LAMP3: variants seen among roughly 807,000 people sequenced by gnomAD.
The protein encoded by LAMP3 is lysosome-associated membrane glycoprotein 3.
A neutral mutation model predicts 34.8 loss-of-function variants in LAMP3; 26 were observed. That is an observed-to-expected ratio of 0.75 (90% CI 0.55 to 1.04). The LOEUF (loss-of-function observed/expected upper bound fraction) is 1.04. Among genes scored for constraint, LAMP3 ranks in the 50% least tolerant of loss-of-function variants. The pLI is 0.00. For missense variants in LAMP3, 495 were observed against 524.0 expected, an observed-to-expected ratio of 0.94 and a Z score of 0.54; for synonymous variants, 180 against 201.9, an observed-to-expected ratio of 0.89 and a Z score of 0.92.
At chr3:183,153,268 A>G (rs1311745252) in intron 2 of LAMP3, among the ~76,000 whole-genome samples, 2 of 152,064 alleles carry the variant, frequency 1.3e-5, no homozygotes, top group Non-Finnish European at 2.9e-5. Context: ...TTTCTTGTTC[A>G]TGTGGATTTC....
chr3:183,134,289 T>C (rs537250586), intron 5 of LAMP3, among the ~76,000 whole-genome samples: 1 of 148,210 alleles, frequency 6.7e-6, no homozygotes, highest in East Asian at 2.0e-4. Flanking sequence ...GTCTGTTGTT[T>C]GGAAAACTAT....
chr3:183,152,271 C>G, intron 3 of LAMP3, 104 bp downstream of exon 3: 2 of 1,260,042 alleles, frequency 1.6e-6, no homozygotes, highest in Non-Finnish European at 2.2e-6. Flanking sequence ...TTCTTATCAG[C>G]AAAGATCTCA....
chr3:183,136,028 T>C, intron 4 of LAMP3, 141 bp from the exon 5 acceptor site: 1 of 694,022 alleles, frequency 1.4e-6, no homozygotes, highest in Non-Finnish European at 2.5e-6. Flanking sequence ...CTTCTCCCCA[T>C]GAAAAAACAC....
Position 183,154,297 on chromosome 3 carries a change from T to A in LAMP3, c.144A>T (p.Ile48=), listed in dbSNP as rs753949194. 3 of 1,614,076 alleles carry A rather than the reference T, an allele frequency of 1.9e-6. No individual in the cohort carries two copies. In the East Asian group the frequency reaches 6.7e-5, roughly 36 times the overall value. The change falls in exon 2 of 6, where the codon ATA becomes ATT. Residue 48 remains isoleucine, a synonymous_variant. Coordinates refer to ENST00000265598, the MANE Select transcript of LAMP3 (RefSeq NM_014398.4). ...TAGCTGGTTGCTGGACAGGTTTTTT[T>A]ATGTCCTGTACTGTTGCTGCTGCAG... The part of the protein sequence containing the change: ...QPTAAATVQD[I]KKPVQQPAKQ...
chr3:183,152,255 C>T, intron 3 of LAMP3, 120 bp downstream of exon 3: 1 of 1,113,284 alleles, frequency 9.0e-7, no homozygotes, highest in Non-Finnish European at 1.3e-6. Context: ...ATCCCCAAAC[C>T]CCTCATTCTT....
At chr3:183,140,636 T>A in intron 3 of LAMP3, 41 bp from the exon 4 acceptor site, 1 of 1,241,586 alleles carries the variant, frequency 8.1e-7, no homozygotes, top group Non-Finnish European at 1.2e-6. Context: ...TTATCTCTAC[T>A]CATATGTTTA....
At chr3:183,147,136 G>A (rs867179961) in intron 3 of LAMP3, among the ~76,000 whole-genome samples, 25 of 151,912 alleles carry the variant, frequency 1.6e-4, no homozygotes, top group African/African-American at 5.3e-4. Context: ...CCAGCTACTC[G>A]GGGGACTGAG....
At chr3:183,131,847 A>G (rs572816124) in intron 5 of LAMP3, 1 of 811,224 alleles carries the variant, frequency 1.2e-6, no homozygotes, top group East Asian at 1.3e-4. Context: ...CATCAATGTA[A>G]TAGGAAACCA....
At position 183,155,034 on chromosome 3, in the gene LAMP3, C is replaced by T. The variant is rs143989560; in HGVS notation, c.50-643G>A. On this transcript the variant is annotated intron_variant, in intron 1 of 5. Transcript: ENST00000265598. ...GGTTCAAGCGATTCTCCAGCCTCAG[C>T]CTCGTGAGTAGCTGGGATTAAAGGC... Among the ~76,000 whole-genome samples the T allele has an allele frequency of 5.6e-3, 849 of 152,306 alleles. 11 individuals are homozygous for T. The highest frequency in any genetic ancestry group is 0.019 in the African/African-American group (807 of 41,560).
At chr3:183,124,601 G>A (rs750710400) in intron 5 of LAMP3, among the ~76,000 whole-genome samples, 2 of 152,208 alleles carry the variant, frequency 1.3e-5, no homozygotes, top group Non-Finnish European at 2.9e-5. Flanking sequence ...GGGAGGCCGA[G>A]GCGGGCGGAT....
At chr3:183,151,647 C>T (rs1401608006) in intron 3 of LAMP3, among the ~76,000 whole-genome samples, 10 of 151,970 alleles carry the variant, frequency 6.6e-5, no homozygotes, top group Non-Finnish European at 5.9e-5. Context: ...AGGCTGGTCT[C>T]GAACTCCTGA....
chr3:183,132,995 C>T (rs567562906), intron 5 of LAMP3: 86 of 951,966 alleles, frequency 9.0e-5, no homozygotes, highest in Admixed American at 1.8e-4. Context: ...TACAGACTGG[C>T]CACAAATGCT....
At chr3:183,153,051 T>C (rs1720699660) in intron 2 of LAMP3, among the ~76,000 whole-genome samples, 2 of 151,772 alleles carry the variant, frequency 1.3e-5, no homozygotes, top group Admixed American at 1.3e-4. Flanking sequence ...GGCAGGTGCC[T>C]GTAATCCCAG....
chr3:183,143,335 ACTCCTGACCT>A (rs1720344224), intron 3 of LAMP3, among the ~76,000 whole-genome samples: 1 of 151,912 alleles, frequency 6.6e-6, no homozygotes, highest in Non-Finnish European at 1.5e-5. Context: ...CTAGTCTTGA[ACTCCTGACCT>A]CAAGAGATCT....
intron 1 of LAMP3, among the ~76,000 whole-genome samples, chr3:183,159,748 A>G (rs914853167): frequency 1.3e-5 from 2 of 152,236 alleles, no homozygotes; most frequent in African/African-American, 4.8e-5. Flanking sequence ...TGGAATAAAG[A>G]GTTCTATGTC....
intron 3 of LAMP3, among the ~76,000 whole-genome samples, chr3:183,142,476 G>A (rs540368000): frequency 6.6e-6 from 1 of 152,052 alleles, no homozygotes; most frequent in African/African-American, 2.4e-5. Flanking sequence ...AATTCGCCAC[G>A]TGCATGCTTT....
upstream of LAMP3, among the ~76,000 whole-genome samples, chr3:183,163,199 G>A (rs1368193334): frequency 2.0e-5 from 3 of 151,466 alleles, no homozygotes; most frequent in Admixed American, 1.3e-4. Context: ...CTCGTGATTC[G>A]CCCGCCTCGA....
chr3:183,139,201 CCAA>C, intron 4 of LAMP3, among the ~76,000 whole-genome samples: 2 of 152,158 alleles, frequency 1.3e-5, no homozygotes, highest in Middle Eastern at 6.8e-3. Context: ...ACCAGCCTGA[CCAA>C]CGTGGAGAAA....
intron 5 of LAMP3, among the ~76,000 whole-genome samples, chr3:183,124,737 C>T (rs556646396): frequency 2.6e-5 from 4 of 152,310 alleles, no homozygotes; most frequent in Non-Finnish European, 5.9e-5. Context: ...GAGGCTGAGG[C>T]AGGAGAATTG....
Sources: gnomAD v4.1 joint callset for allele counts (sites outside exome capture counted in the v4.1 genomes callset) on GRCh38, gnomAD v4.1.1 for gene constraint, MANE v1.5 for transcripts, NCBI Gene and HGNC (gene_info 2026-07-23, HGNC 2026-07-21) for gene names.